Variants in SLC35F3 observed in about 807,000 individuals in gnomAD.
The protein encoded by SLC35F3 is solute carrier family 35 member F3, also known as putative thiamine transporter SLC35F3.
SLC35F3 carries 25 observed loss-of-function variants against 49.9 expected under a neutral mutation model. That is an observed-to-expected ratio of 0.50 (90% CI 0.37 to 0.70). The LOEUF is 0.70. Ranked by LOEUF, SLC35F3 falls within the 30% of genes least tolerant of loss-of-function variation. The pLI, the probability that SLC35F3 is intolerant of heterozygous loss-of-function variation, is 0.00. For synonymous variants in SLC35F3, 275 were observed against 265.4 expected (o/e 1.04, Z -0.35); for missense variants, 525 against 639.8 (o/e 0.82, Z 1.94).
chr1:234,207,642 CT>C (rs1487523492), intron 2 of SLC35F3, among the ~76,000 whole-genome samples: 1 of 151,790 alleles, frequency 6.6e-6, no homozygotes, highest in East Asian at 2.0e-4. Context: ...GCCATGACAT[CT>C]CTTTTATAAA....
At chr1:234,158,027 A>G (rs1451553794) in intron 2 of SLC35F3, among the ~76,000 whole-genome samples, 1 of 152,146 alleles carries the variant, frequency 6.6e-6, no homozygotes, top group Non-Finnish European at 1.5e-5. Flanking sequence ...CCAGTCATCT[A>G]CTTCCGGGAC....
Position 233,985,603 on chromosome 1 carries a change from A to G in SLC35F3, c.283+79845A>G, listed in dbSNP as rs542381667. 2.0e-5 allele frequency among the ~76,000 whole-genome samples: 3 copies of G among 152,330 alleles called. No homozygotes were observed. The South Asian group carries it at 6.2e-4, about 32-fold the overall frequency. On this transcript the variant is annotated intron_variant, in intron 2 of 7. Transcript: ENST00000366618. ...CACAGTTCTTTCTCCATCTAATTCT[A>G]ATTACAATCATTGGTACGTGATGTA...
intron 2 of SLC35F3, among the ~76,000 whole-genome samples, chr1:233,918,884 T>G (rs72751794): frequency 0.1 from 15,887 of 151,872 alleles, 1,036 homozygotes; most frequent in Non-Finnish European, 0.15. Flanking sequence ...ATAGTACTAG[T>G]GTGGTTATAA....
chr1:233,937,616 CAAA>C (rs1662355685), intron 2 of SLC35F3, among the ~76,000 whole-genome samples: 1 of 152,068 alleles, frequency 6.6e-6, no homozygotes, highest in Non-Finnish European at 1.5e-5. Flanking sequence ...AATTTGTAGA[CAAA>C]GAAGAACCTT....
rs1003990326 is a variant in SLC35F3, at chr1:234,284,142, C to T, written c.609-24959C>T. On this transcript the variant is annotated intron_variant, in intron 3 of 7. Transcript: ENST00000366618. Reference sequence around the variant, plus strand: ...CTGGTCTTGAACTCCCGGGCTCAAGCAATCCTCCCACCTTGGCCTCCCAAA... The same window carrying T: ...CTGGTCTTGAACTCCCGGGCTCAAGTAATCCTCCCACCTTGGCCTCCCAAA... Among the ~76,000 whole-genome samples, 52 of 152,182 alleles carry T rather than the reference C, an allele frequency of 3.4e-4. 1 individual carries two copies. The highest frequency in any genetic ancestry group is 3.4e-3 in the Admixed American group (52 of 15,280).
intron 2 of SLC35F3, among the ~76,000 whole-genome samples, chr1:233,963,085 T>C (rs1292191345): frequency 6.6e-6 from 1 of 152,222 alleles, no homozygotes; most frequent in African/African-American, 2.4e-5. Flanking sequence ...TGTGACTCAT[T>C]CCAGCCCTCG....
In SLC35F3 at chr1:234,323,218, G is replaced by A. The variant is rs1426519012; in HGVS notation, c.1448G>A (p.Arg483Lys). The change falls in exon 8 of 8, where the codon AGA becomes AAA. Residue 483 changes from arginine (R) to lysine (K), a missense_variant. Transcript: ENST00000366618. The surrounding 1 kb of genome is among the most constrained non-coding windows in gnomAD (Gnocchi z 4.5). ...TCAGGACCTCAGAGCAAGAACAGAA[G>A]AGCCCGCCCTTCCTTCGCCCGCTAA... ...LSSGPQSKNR[R>K]ARPSFAR 4 of 1,614,056 alleles carry A rather than the reference G, an allele frequency of 2.5e-6. No individual in the cohort carries two copies. The highest frequency in any genetic ancestry group is 3.3e-5 in the Admixed American group (2 of 60,012).
In SLC35F3 at chr1:234,248,545, G is replaced by A. The variant is rs1363261983; in HGVS notation, c.608+16804G>A. ...TCAGTTGGCTGGTGCATTGTTTGGT[G>A]GGTTGGTTGGCTGGTTCATTTTTGG... is the stretch of plus-strand genomic sequence containing the variant. On this transcript the variant is annotated intron_variant, in intron 3 of 7. Transcript: ENST00000366618. Among the ~76,000 whole-genome samples the A allele has an allele frequency of 7.9e-5, 12 of 152,386 alleles. No individual in the cohort carries two copies. The South Asian group carries it at 1.9e-3, about 24-fold the overall frequency.
In SLC35F3 at chr1:234,205,309, A is replaced by G. The variant is rs137955158; in HGVS notation, c.284-26108A>G. 2.2e-3 allele frequency among the ~76,000 whole-genome samples: 341 copies of G among 152,348 alleles called. 3 individuals carry two copies. The highest frequency in any genetic ancestry group is 7.6e-3 in the African/African-American group (318 of 41,576). ...TCACCTTCATGATTACTAAGCAGAAACATAGCGCCAGGAACAGAATGGCTT... is the reference window on the plus strand; with the variant it reads ...TCACCTTCATGATTACTAAGCAGAAGCATAGCGCCAGGAACAGAATGGCTT... On this transcript the variant is annotated intron_variant, in intron 2 of 7. Coordinates refer to ENST00000366618, the MANE Select transcript of SLC35F3 (RefSeq NM_173508.4).
rs564372377 is a variant in SLC35F3 at position 234,260,832 on chromosome 1, C to G, written c.608+29091C>G. On this transcript the variant is annotated intron_variant, in intron 3 of 7. Transcript: ENST00000366618. ...CCTCCATTTCCTCCACCAAAGTTAC[C>G]CAACAGCAAGAACAAGACACTTTAC... 7.9e-5 allele frequency among the ~76,000 whole-genome samples: 12 copies of G among 152,228 alleles called. No individual in the cohort carries two copies. In the East Asian group the frequency reaches 1.9e-3, roughly 24 times the overall value.
At chr1:234,230,471 A>ATTT (rs1414485027) in intron 2 of SLC35F3, among the ~76,000 whole-genome samples, 4 of 152,242 alleles carry the variant, frequency 2.6e-5, no homozygotes, top group Non-Finnish European at 5.9e-5. Flanking sequence ...CAACATCATT[A>ATTT]TAAAAGGCAA....
At chr1:233,930,731 A>G (rs1474007559) in intron 2 of SLC35F3, among the ~76,000 whole-genome samples, 1 of 152,246 alleles carries the variant, frequency 6.6e-6, no homozygotes, top group Admixed American at 6.5e-5. Context: ...AGCTTATTGT[A>G]TACTATGTTC....
At chr1:234,296,705 C>T (rs1404563606) in intron 3 of SLC35F3, among the ~76,000 whole-genome samples, 1 of 152,336 alleles carries the variant, frequency 6.6e-6, no homozygotes, top group Non-Finnish European at 1.5e-5. Context: ...TTCTCAGATA[C>T]CTCTGCTATT....
At chr1:234,250,121 T>TA (rs1330776112) in intron 3 of SLC35F3, among the ~76,000 whole-genome samples, 1 of 152,252 alleles carries the variant, frequency 6.6e-6, no homozygotes, top group East Asian at 1.9e-4. Flanking sequence ...GCCAGCATTC[T>TA]AAGAAGCACA....
intron 2 of SLC35F3, among the ~76,000 whole-genome samples, chr1:234,159,997 C>T (rs1259799750): frequency 6.6e-6 from 1 of 152,160 alleles, no homozygotes; most frequent in Non-Finnish European, 1.5e-5. Context: ...GTTAAAGAGA[C>T]ACAGAGGACA....
intron 2 of SLC35F3, among the ~76,000 whole-genome samples, chr1:234,077,715 C>T (rs1214161067): frequency 1.3e-5 from 2 of 152,130 alleles, no homozygotes; most frequent in Non-Finnish European, 2.9e-5. Context: ...GGTGGGTTCT[C>T]ATAGCCTGCA....
At position 234,231,878 on chromosome 1, in the gene SLC35F3, C is replaced by T. The variant is rs1283742137; in HGVS notation, c.608+137C>T. 3.6e-6 allele frequency: 3 copies of T among 823,932 alleles called. No individual in the cohort carries two copies. Among genetic ancestry groups the T allele is most frequent in the Admixed American group, 5.4e-5 (2 of 36,892 alleles). 51.0% of individuals were successfully genotyped at this position (823,932 alleles called of 1,614,324 possible). A position where few individuals can be genotyped will look rare whatever the true frequency, so the allele number is the denominator to read the frequency against. Reference sequence around the variant, plus strand: ...TGGAGAGATGTTGCAGTGAATGCACCTGCTCTCAGTGGGGTCGGGAGCAGA... The same window carrying T: ...TGGAGAGATGTTGCAGTGAATGCACTTGCTCTCAGTGGGGTCGGGAGCAGA... On this transcript the variant is annotated intron_variant, in intron 3 of 7. Coordinates refer to ENST00000366618, the MANE Select transcript of SLC35F3 (RefSeq NM_173508.4). This position sits in a 1 kb window ranked among gnomAD's most constrained non-coding sequence, Gnocchi z 5.4.
intron 3 of SLC35F3, among the ~76,000 whole-genome samples, chr1:234,295,235 G>T (rs1033286452): frequency 6.6e-6 from 1 of 152,220 alleles, no homozygotes; most frequent in African/African-American, 2.4e-5. Flanking sequence ...GTGACGAAGG[G>T]ACTACAGTTG....
At chr1:233,908,536 C>CTTTTTTTTTT (rs898041195) in intron 2 of SLC35F3, among the ~76,000 whole-genome samples, 2 of 84,880 alleles carry the variant, frequency 2.4e-5, no homozygotes, top group African/African-American at 4.6e-5. Flanking sequence ...GTAAAGGATT[C>CTTTTTTTTTT]TTTTTTTTTT....
Sources: allele counts gnomAD v4.1 joint callset (sites outside exome capture counted in the v4.1 genomes callset), GRCh38; gene constraint gnomAD v4.1.1; non-coding constraint Gnocchi (gnomAD v3.1); transcripts MANE v1.5; gene names NCBI Gene and HGNC (gene_info 2026-07-23, HGNC 2026-07-21).